SLC26A11: variants seen among roughly 807,000 people sequenced by gnomAD.
The protein encoded by SLC26A11 is sodium-independent sulfate anion transporter.
In SLC26A11, 58 loss-of-function variants were observed where a neutral mutation model predicts 62.2. That is an observed-to-expected ratio of 0.93 (90% CI 0.76 to 1.16). SLC26A11 has a LOEUF of 1.16. SLC26A11 is among the 50% of genes most tolerant of loss of function. The probability of loss-of-function intolerance (pLI) is 0.00; values close to 1 mark genes in which losing one functional copy is unlikely to be tolerated. For synonymous variants in SLC26A11, 411 were observed against 368.9 expected (o/e 1.11, Z -1.31); for missense variants, 790 against 794.3 (o/e 0.99, Z 0.06).
rs1598800792 is a variant in SLC26A11 at position 80,228,011 on chromosome 17, T to G, written c.736+51T>G. The G allele has an allele frequency of 5.1e-6, 8 of 1,556,280 alleles. No homozygotes were observed. In the Middle Eastern group the frequency reaches 6.7e-4, roughly 131 times the overall value. On this transcript the variant is annotated intron_variant, in intron 7 of 17. Coordinates refer to ENST00000361193, the MANE Select transcript of SLC26A11 (RefSeq NM_001166347.2). This position sits in a 1 kb window ranked among gnomAD's most constrained non-coding sequence, Gnocchi z 4.1. Reference sequence around the variant, plus strand: ...ATGCAACCTTGGCTGCAGGTTGGGGTCACTTGGGGAGTCCTAGTCCCACCC... The same window carrying G: ...ATGCAACCTTGGCTGCAGGTTGGGGGCACTTGGGGAGTCCTAGTCCCACCC...
At chr17:80,240,151 A>G (rs980823355) in intron 9 of SLC26A11, among the ~76,000 whole-genome samples, 1 of 151,152 alleles carries the variant, frequency 6.6e-6, no homozygotes, top group African/African-American at 2.4e-5. Flanking sequence ...GTGGATCACA[A>G]GGTCAGGAGA....
At chr17:80,239,916 T>C (rs981053418) in intron 9 of SLC26A11, among the ~76,000 whole-genome samples, 2 of 152,206 alleles carry the variant, frequency 1.3e-5, no homozygotes, top group Admixed American at 6.5e-5. Flanking sequence ...ATAAAGTCAG[T>C]TGGAGCGTGG....
At chr17:80,248,745 G>C in intron 15 of SLC26A11, 71 bp downstream of exon 15, 2 of 1,427,098 alleles carry the variant, frequency 1.4e-6, no homozygotes, top group Non-Finnish European at 1.9e-6. Context: ...CTGCTGTTCA[G>C]GACCCCAAGA....
At position 80,223,932 on chromosome 17, in the gene SLC26A11, C is replaced by A. The variant is rs2042294072; in HGVS notation, c.513+595C>A. Reference sequence around the variant, plus strand: ...AGGGTAGGAACTGTCCTTCTCCCAGCCATGGCCGCCCAGCATTGGGCTGGT... The same window carrying A: ...AGGGTAGGAACTGTCCTTCTCCCAGACATGGCCGCCCAGCATTGGGCTGGT... On this transcript the variant is annotated intron_variant, in intron 5 of 17. Transcript: ENST00000361193. The surrounding 1 kb of genome is among the most constrained non-coding windows in gnomAD (Gnocchi z 4.6). Among the ~76,000 whole-genome samples the A allele has an allele frequency of 6.6e-6, 1 of 152,214 alleles. No homozygotes were observed. The highest frequency in any genetic ancestry group is 1.5e-5 in the Non-Finnish European group (1 of 68,042).
intron 9 of SLC26A11, among the ~76,000 whole-genome samples, chr17:80,238,835 T>G (rs1345960637): frequency 7.0e-6 from 1 of 143,816 alleles, no homozygotes; most frequent in African/African-American, 2.6e-5. Context: ...TTGTTTTTTT[T>G]TTTTTTTGGA....
chr17:80,237,388 G>T (rs141517319), intron 8 of SLC26A11, 134 bp from the exon 9 acceptor site: 1 of 881,004 alleles, frequency 1.1e-6, no homozygotes, highest in South Asian at 1.7e-5. Context: ...TTCAGACAAG[G>T]AGGCGGATCC....
chr17:80,250,688 A>G (rs2043133182), intron 16 of SLC26A11, among the ~76,000 whole-genome samples: 1 of 151,976 alleles, frequency 6.6e-6, no homozygotes. Flanking sequence ...TTAGACGGGC[A>G]TGGTGGCGCA....
At chr17:80,221,948 G>T in intron 3 of SLC26A11, 154 bp downstream of exon 3, 1 of 773,906 alleles carries the variant, frequency 1.3e-6, no homozygotes, top group Non-Finnish European at 2.0e-6. Flanking sequence ...TCTCTGGGCC[G>T]ACCCAGGCTC....
Position 80,246,277 on chromosome 17 carries a change from C to G in SLC26A11, c.1153+68C>G. 1 of 1,553,850 alleles carries G rather than the reference C, an allele frequency of 6.4e-7. No homozygotes were observed. Among genetic ancestry groups the G allele is most frequent in the East Asian group, 2.2e-5 (1 of 44,604 alleles). Reference sequence around the variant, plus strand: ...TGGGAGAAAGGGAGGAGGGGGCCCACAGAGACGTCCCTTTGGCTCATGGGC... The same window carrying G: ...TGGGAGAAAGGGAGGAGGGGGCCCAGAGAGACGTCCCTTTGGCTCATGGGC... On this transcript the variant is annotated intron_variant, in intron 12 of 17. Coordinates refer to ENST00000361193, the MANE Select transcript of SLC26A11 (RefSeq NM_001166347.2). This position sits in a 1 kb window ranked among gnomAD's most constrained non-coding sequence, Gnocchi z 4.4.
chr17:80,222,661 C>A lies in SLC26A11; in HGVS notation c.241C>A (p.Leu81Ile). ...EVAGLPPQYG[L>I]YSAFMGCFVY... ...CCACCCTCTCTCCCCACAGTATGGC[C>A]TCTACTCTGCCTTCATGGGCTGCTT... The change falls in exon 4 of 18, where the codon CTC becomes ATC. Residue 81 changes from leucine to isoleucine, a missense_variant. Leu to Ile is a conservative substitution (Grantham distance 5, BLOSUM62 2). Transcript: ENST00000361193. This position sits in a 1 kb window ranked among gnomAD's most constrained non-coding sequence, Gnocchi z 4.7. 6.2e-7 allele frequency: 1 copy of A among 1,614,046 alleles called. No homozygotes were observed. The highest frequency in any genetic ancestry group is 8.5e-7 in the Non-Finnish European group (1 of 1,179,924).
chr17:80,229,622 G>A (rs1367799060), intron 7 of SLC26A11, among the ~76,000 whole-genome samples: 1 of 151,858 alleles, frequency 6.6e-6, no homozygotes, highest in Non-Finnish European at 1.5e-5. Context: ...TAGAGATGGG[G>A]TTTCACCATG....
chr17:80,245,340 C>T (rs1264861246), intron 11 of SLC26A11, 84 bp downstream of exon 11: 2 of 1,376,688 alleles, frequency 1.5e-6, no homozygotes, highest in African/African-American at 1.4e-5. Context: ...CCTGCCCTGA[C>T]CCCGGCGCCC....
At chr17:80,248,772 C>A in intron 15 of SLC26A11, 98 bp downstream of exon 15, 1 of 1,153,964 alleles carries the variant, frequency 8.7e-7, no homozygotes, top group Non-Finnish European at 1.2e-6. Flanking sequence ...CCCCAACGCT[C>A]TCCAGTCCAC....
At position 80,222,357 on chromosome 17, in the gene SLC26A11, C is replaced by T; in HGVS notation, c.235-298C>T. The T allele has an allele frequency of 3.6e-6, 1 of 274,362 alleles. No homozygotes were observed. The highest frequency in any genetic ancestry group is 6.6e-6 in the Non-Finnish European group (1 of 152,340). 17.0% of individuals were successfully genotyped at this position (274,362 alleles called of 1,614,324 possible). ...TGCCACTGCCCTCCAGCCTGGGCGA[C>T]AGAGCGAGACTCCATCTCAAAAAAA... On this transcript the variant is annotated intron_variant, in intron 3 of 17. Coordinates refer to ENST00000361193, the MANE Select transcript of SLC26A11 (RefSeq NM_001166347.2). This position sits in a 1 kb window ranked among gnomAD's most constrained non-coding sequence, Gnocchi z 4.7.
At chr17:80,230,056 G>A (rs1272613109) in intron 7 of SLC26A11, among the ~76,000 whole-genome samples, 3 of 152,192 alleles carry the variant, frequency 2.0e-5, no homozygotes, top group Middle Eastern at 3.4e-3. Context: ...TTAGCTGGGT[G>A]TGGTGGTGTG....
At chr17:80,249,395 C>G in intron 16 of SLC26A11, 108 bp downstream of exon 16, 1 of 1,420,684 alleles carries the variant, frequency 7.0e-7, no homozygotes, top group Non-Finnish European at 9.5e-7. Flanking sequence ...CTGGACGGCC[C>G]TTCGGCCGGT....
In SLC26A11 at chr17:80,246,699, C is replaced by T. The variant is rs148143230; in HGVS notation, c.1294+50C>T. On this transcript the variant is annotated intron_variant, in intron 13 of 17. Coordinates refer to ENST00000361193, the MANE Select transcript of SLC26A11 (RefSeq NM_001166347.2). The surrounding 1 kb of genome is among the most constrained non-coding windows in gnomAD (Gnocchi z 4.4). ...AGCGCTGTGATGCGGTGTCTGAACG[C>T]GGAGGGTGTCATTTATGCTACCCCA... 3.5e-5 allele frequency: 55 copies of T among 1,581,354 alleles called. No individual in the cohort carries two copies. In the Middle Eastern group the frequency reaches 5.0e-4, roughly 14 times the overall value.
At chr17:80,224,190 TGA>T (rs1181599639) in intron 5 of SLC26A11, among the ~76,000 whole-genome samples, 3 of 104,508 alleles carry the variant, frequency 2.9e-5, no homozygotes, top group Non-Finnish European at 5.7e-5. Flanking sequence ...AGAGTGTGTA[TGA>T]GTGTGTGTGA....
chr17:80,237,434 G>C lies in SLC26A11; in HGVS notation c.913-88G>C, dbSNP rs778684644. The C allele has an allele frequency of 3.2e-6, 4 of 1,242,680 alleles. No individual in the cohort carries two copies. In the South Asian group the frequency reaches 5.5e-5, roughly 17 times the overall value. 77.0% of individuals were successfully genotyped at this position (1,242,680 alleles called of 1,614,324 possible). ...AAGCACTTGCTCCTGTTACCTGTGG[G>C]GCGGGGTGGGTCCTTGCTGCTTTCA... On this transcript the variant is annotated intron_variant, in intron 8 of 17. Coordinates refer to ENST00000361193, the MANE Select transcript of SLC26A11 (RefSeq NM_001166347.2).
Sources: gnomAD v4.1 joint callset for allele counts (sites outside exome capture counted in the v4.1 genomes callset) on GRCh38, gnomAD v4.1.1 for gene constraint, Gnocchi (gnomAD v3.1) non-coding constraint, MANE v1.5 for transcripts, NCBI Gene and HGNC (gene_info 2026-07-23, HGNC 2026-07-21) for gene names.